The following SCAI variants were observed in gnomAD, a reference collection of about 807,000 sequenced individuals.
SCAI encodes the protein suppressor of cancer cell invasion, also known as protein SCAI.
Under a neutral mutation model 92.2 loss-of-function variants are expected in SCAI, and 24 were observed. The ratio of observed to expected loss-of-function variants is 0.26; its 90% confidence interval spans 0.19 to 0.37. The LOEUF (loss-of-function observed/expected upper bound fraction) is 0.37. SCAI is among the 10% of genes least tolerant of loss of function. The pLI is 1.00. For synonymous variants in SCAI, 261 were observed against 258.6 expected, an observed-to-expected ratio of 1.01 and a Z score of -0.09; for missense variants, 450 against 736.2, an observed-to-expected ratio of 0.61 and a Z score of 4.50.
intron 2 of SCAI, among the ~76,000 whole-genome samples, chr9:125,076,938 G>A (rs1834102568): frequency 6.6e-6 from 1 of 152,160 alleles, no homozygotes; most frequent in African/African-American, 2.4e-5. Flanking sequence ...CTGACCTCAG[G>A]TGATCCACCT....
chr9:124,990,798 G>A (rs1406745083), intron 14 of SCAI, among the ~76,000 whole-genome samples: 1 of 152,152 alleles, frequency 6.6e-6, no homozygotes, highest in Non-Finnish European at 1.5e-5. Context: ...AATAGGGGTT[G>A]CAACAAAAAG....
intron 2 of SCAI, among the ~76,000 whole-genome samples, chr9:125,085,821 A>T (rs1231700976): frequency 6.6e-6 from 1 of 152,166 alleles, no homozygotes; most frequent in African/African-American, 2.4e-5. Flanking sequence ...TGAGCCACCT[A>T]GAGGGTTAAA....
intron 6 of SCAI, 93 bp downstream of exon 6, chr9:125,026,719 G>A (rs1053478149): frequency 7.4e-5 from 50 of 675,836 alleles, no homozygotes; most frequent in African/African-American, 7.4e-4. Flanking sequence ...ACGAGTACAC[G>A]TTATAAAAAT....
At chr9:125,016,461 A>C (rs1472786967) in intron 9 of SCAI, among the ~76,000 whole-genome samples, 2 of 151,616 alleles carry the variant, frequency 1.3e-5, no homozygotes, top group African/African-American at 4.8e-5. Flanking sequence ...TCAAAATAGG[A>C]AGAAGGAAAT....
intron 15 of SCAI, among the ~76,000 whole-genome samples, chr9:124,973,537 A>G (rs1267428972): frequency 6.6e-6 from 1 of 151,690 alleles, no homozygotes; most frequent in Non-Finnish European, 1.5e-5. Context: ...GTCTCTAGTG[A>G]AAATACAAAA....
At chr9:125,107,112 G>A (rs913507152) in intron 2 of SCAI, among the ~76,000 whole-genome samples, 7 of 151,840 alleles carry the variant, frequency 4.6e-5, no homozygotes, top group Non-Finnish European at 8.8e-5. Flanking sequence ...CTGTAATCTA[G>A]AAAAATAAAT....
intron 17 of SCAI, among the ~76,000 whole-genome samples, chr9:124,963,296 C>T (rs1039342334): frequency 6.9e-6 from 1 of 145,366 alleles, no homozygotes; most frequent in African/African-American, 2.5e-5. Context: ...ACACCATGCT[C>T]GGCTAATTTT....
intron 9 of SCAI, among the ~76,000 whole-genome samples, chr9:125,016,120 T>C (rs1355781595): frequency 6.6e-6 from 1 of 150,704 alleles, no homozygotes; most frequent in Middle Eastern, 3.2e-3. Context: ...GCATGGCACA[T>C]GTATACATAT....
At chr9:125,056,705 CT>C (rs775826541) in intron 2 of SCAI, among the ~76,000 whole-genome samples, 1 of 152,150 alleles carries the variant, frequency 6.6e-6, no homozygotes, top group Non-Finnish European at 1.5e-5. Flanking sequence ...TGGGAAAACA[CT>C]TTATCCGTGT....
At position 125,003,505 on chromosome 9, in the gene SCAI, C is replaced by A. The variant is rs750443849; in HGVS notation, c.927G>T (p.Met309Ile). Residue 309 changes from methionine to isoleucine, a missense_variant, in exon 10 of 18, where the codon ATG (methionine) becomes ATT (isoleucine). Met to Ile is a conservative substitution (Grantham distance 10, BLOSUM62 1). This residue lies in a region of SCAI where 360 missense variants were observed against 601.8 expected (regional missense o/e 0.60). Transcript: ENST00000336505. The part of the protein sequence containing the change: ...RMLQALEREP[M>I]NLASQMNKPG... ...GTTTATTCATCTGGGAAGCTAAATT[C>A]ATTGGCTCCCTTTCCAGAGCTTGTA... 6.2e-7 allele frequency: 1 copy of A among 1,613,380 alleles called. No homozygotes were observed. Among genetic ancestry groups the A allele is most frequent in the Admixed American group, 1.7e-5 (1 of 59,992 alleles).
Position 124,994,967 on chromosome 9 carries a change from G to A in SCAI, c.1293C>T (p.Ile431=). 6.2e-7 allele frequency: 1 copy of A among 1,612,968 alleles called. No homozygotes were observed. Residue 431 remains isoleucine (I), a synonymous_variant, in exon 14 of 18, where the codon ATC becomes ATT. Transcript: ENST00000336505. The stretch of plus-strand genomic sequence containing the variant: ...CAACACTATTAGACGAATCCACAAT[G>A]ATGAACAGTGGCTTCCTGGTGAAAG... ...LYPFTRKPLF[I]IVDSSNSVAY... is the part of the protein sequence containing the mutation.
chr9:125,115,714 T>G (rs572149515), intron 2 of SCAI, among the ~76,000 whole-genome samples: 5 of 152,220 alleles, frequency 3.3e-5, no homozygotes, highest in Non-Finnish European at 7.3e-5. Context: ...TATAGTTATA[T>G]TCATGTTGTA....
rs899870844 is a variant in SCAI, at chr9:124,943,278, A to G, written c.*9529T>C. 6.6e-6 allele frequency: 1 copy of G among 152,226 alleles called. No individual in the cohort carries two copies. The highest frequency in any genetic ancestry group is 1.5e-5 in the Non-Finnish European group (1 of 68,032). 9.4% of individuals were successfully genotyped at this position (152,226 alleles called of 1,614,324 possible). Reference sequence around the variant, plus strand: ...AATTTATTCTACTGTTAACACATATAAAAACTATGAATCCAAACAGTTTTG... The same window carrying G: ...AATTTATTCTACTGTTAACACATATGAAAACTATGAATCCAAACAGTTTTG... On this transcript the variant is annotated 3_prime_UTR_variant, in exon 18 of 18. Transcript: ENST00000336505.
In SCAI at chr9:124,955,166, TA is replaced by T. The variant is rs58659477; in HGVS notation, c.1675-2214del. ...CTAGGCGACAGAGCGAGACTCCGTC[TA>T]AAAAAAAAAAAAAAAAAATTAAAGA... On this transcript the variant is annotated intron_variant, in intron 17 of 17. Coordinates refer to ENST00000336505, the MANE Select transcript of SCAI (RefSeq NM_001144877.3). Among the ~76,000 whole-genome samples, 811 of 111,250 alleles carry T rather than the reference TA, an allele frequency of 7.3e-3. 2 individuals carry two copies. The highest frequency in any genetic ancestry group is 9.9e-3 in the East Asian group (39 of 3,952). 73.0% of individuals were successfully genotyped at this position (111,250 alleles called of 152,430 possible). A position where few individuals can be genotyped will look rare whatever the true frequency, so the allele number is the denominator to read the frequency against.
At chr9:125,028,283 G>A in intron 5 of SCAI, 109 bp downstream of exon 5, 1 of 627,880 alleles carries the variant, frequency 1.6e-6, no homozygotes, top group Non-Finnish European at 2.7e-6. Context: ...AGTTTCATTT[G>A]TAACTCGTGA....
chr9:124,996,884 C>T (rs1314051947), intron 13 of SCAI, among the ~76,000 whole-genome samples: 1 of 152,088 alleles, frequency 6.6e-6, no homozygotes, highest in African/African-American at 2.4e-5. Flanking sequence ...CCCACTTCGG[C>T]CTCCCAAAGT....
intron 14 of SCAI, among the ~76,000 whole-genome samples, chr9:124,983,645 G>C (rs1156907237): frequency 6.6e-6 from 1 of 152,240 alleles, no homozygotes; most frequent in Non-Finnish European, 1.5e-5. Context: ...GAGCCACCGT[G>C]CCCGGCCTAG....
intron 2 of SCAI, among the ~76,000 whole-genome samples, chr9:125,107,701 C>T (rs1418575739): frequency 6.6e-6 from 1 of 152,114 alleles, no homozygotes; most frequent in Admixed American, 6.5e-5. Context: ...GGGAGTGAGC[C>T]TGGCTGCAGT....
At chr9:125,138,499 T>C (rs1350419355) in intron 2 of SCAI, among the ~76,000 whole-genome samples, 1 of 151,836 alleles carries the variant, frequency 6.6e-6, no homozygotes, top group Admixed American at 6.6e-5. Context: ...ACTGCAAGCT[T>C]TGCCTCCCGG....
Sources: allele counts gnomAD v4.1 joint callset (sites outside exome capture counted in the v4.1 genomes callset), GRCh38; gene constraint gnomAD v4.1.1; regional missense constraint gnomAD v4.1.1; transcripts MANE v1.5; gene names NCBI Gene and HGNC (gene_info 2026-07-23, HGNC 2026-07-21).